ASIC2: variants seen among roughly 807,000 people sequenced by gnomAD.
ASIC2 encodes the protein acid-sensing ion channel 2.
Under a neutral mutation model 57.3 loss-of-function variants are expected in ASIC2, and 25 were observed. That is an observed-to-expected ratio of 0.44 (90% CI 0.32 to 0.61). The LOEUF (loss-of-function observed/expected upper bound fraction) is 0.61. ASIC2 is among the 20% of genes least tolerant of loss of function. The pLI is 0.06. For synonymous variants in ASIC2, 319 were observed against 307.5 expected, an observed-to-expected ratio of 1.04 and a Z score of -0.39; for missense variants, 641 against 738.1, an observed-to-expected ratio of 0.87 and a Z score of 1.52.
At chr17:33,461,855 G>A (rs151071493) in intron 1 of ASIC2, among the ~76,000 whole-genome samples, 1 of 152,230 alleles carries the variant, frequency 6.6e-6, no homozygotes, top group East Asian at 1.9e-4. Flanking sequence ...AAACCTTGAG[G>A]CTGTACCAGG....
chr17:33,483,480 G>A (rs1000146889), intron 1 of ASIC2, among the ~76,000 whole-genome samples: 6 of 152,230 alleles, frequency 3.9e-5, no homozygotes, highest in Non-Finnish European at 7.3e-5. Context: ...TGCCTCACTC[G>A]GCGGGGCTCT....
In ASIC2 at chr17:33,268,069, G is replaced by A. The variant is rs1597658509; in HGVS notation, c.708+23339C>T. ...AGGACTTTGACTTTTGAAGGCAGTT[G>A]GTCCTGTGCATGATAAATGCCTGGT... On this transcript the variant is annotated intron_variant, in intron 1 of 9. Coordinates refer to ENST00000225823, the MANE Select transcript of ASIC2 (RefSeq NM_183377.2). Among the ~76,000 whole-genome samples, 7 of 152,122 alleles carry A rather than the reference G, an allele frequency of 4.6e-5. No individual in the cohort carries two copies. In the South Asian group the frequency reaches 1.2e-3, roughly 27 times the overall value.
chr17:33,998,559 A>G lies in ASIC2; in HGVS notation c.555+157419T>C, dbSNP rs1303579516. 3.3e-5 allele frequency among the ~76,000 whole-genome samples: 5 copies of G among 151,996 alleles called. No homozygotes were observed. The East Asian group carries it at 9.7e-4, about 29-fold the overall frequency. On this transcript the variant is annotated intron_variant, in intron 1 of 9. Coordinates refer to the ASIC2 transcript ENST00000359872. ...TTTTCTGTATCCCATAAGTTTTGGT[A>G]TGTTGTGTTTTCATTTTCATTTTTC...
chr17:33,730,800 G>A (rs1909716812), intron 1 of ASIC2, among the ~76,000 whole-genome samples: 1 of 152,166 alleles, frequency 6.6e-6, no homozygotes, highest in Admixed American at 6.5e-5. Flanking sequence ...TGTCTATGTG[G>A]TTACTGTTGA....
intron 1 of ASIC2, among the ~76,000 whole-genome samples, chr17:33,513,672 C>G (rs777544751): frequency 6.6e-6 from 1 of 152,338 alleles, no homozygotes; most frequent in African/African-American, 2.4e-5. Context: ...AGTTGGGGAA[C>G]AAAACCCCAT....
intron 1 of ASIC2, among the ~76,000 whole-genome samples, chr17:33,256,702 C>A (rs1044785886): frequency 1.3e-5 from 2 of 152,102 alleles, no homozygotes; most frequent in African/African-American, 2.4e-5. Flanking sequence ...CGTGGTGGCA[C>A]GTGCCTGTAA....
chr17:33,853,995 C>T (rs1913846004), intron 1 of ASIC2, among the ~76,000 whole-genome samples: 1 of 152,110 alleles, frequency 6.6e-6, no homozygotes, highest in African/African-American at 2.4e-5. Context: ...ATACATTTGC[C>T]CATCGAAGTT....
At chr17:33,615,037 T>C (rs1905552397) in intron 1 of ASIC2, among the ~76,000 whole-genome samples, 1 of 152,268 alleles carries the variant, frequency 6.6e-6, no homozygotes, top group African/African-American at 2.4e-5. Context: ...GTTCTTACTT[T>C]TTTATTATTA....
At chr17:33,538,569 C>A (rs1415089234) in intron 1 of ASIC2, among the ~76,000 whole-genome samples, 7 of 152,222 alleles carry the variant, frequency 4.6e-5, no homozygotes, top group Non-Finnish European at 2.9e-5. Context: ...AAACCCAGTT[C>A]CTCTGACTCA....
intron 1 of ASIC2, among the ~76,000 whole-genome samples, chr17:34,020,173 A>G (rs1369144325): frequency 1.3e-5 from 2 of 152,180 alleles, no homozygotes; most frequent in East Asian, 3.8e-4. Flanking sequence ...TTGCATGACC[A>G]AAGTCATTAT....
chr17:33,905,930 A>T (rs1029299321), intron 1 of ASIC2, among the ~76,000 whole-genome samples: 1 of 151,454 alleles, frequency 6.6e-6, no homozygotes, highest in African/African-American at 2.4e-5. Flanking sequence ...TGATCCTCCT[A>T]CCTCAGCCTT....
intron 1 of ASIC2, chr17:34,037,694 A>G: frequency 6.2e-7 from 1 of 1,614,080 alleles, no homozygotes; most frequent in Admixed American, 1.7e-5. Flanking sequence ...ACTCGTAGAG[A>G]CTGACTTTTG....
At chr17:33,181,577 GA>G (rs1409510378) in intron 1 of ASIC2, among the ~76,000 whole-genome samples, 1 of 152,122 alleles carries the variant, frequency 6.6e-6, no homozygotes, top group African/African-American at 2.4e-5. Context: ...GTGGCAGTGT[GA>G]CTCTGATCTT....
chr17:33,100,001 A>G (rs1426313289), intron 2 of ASIC2: 1 of 152,234 alleles, frequency 6.6e-6, no homozygotes, highest in Non-Finnish European at 1.5e-5. Context: ...TTTGATGTTA[A>G]GAAGACATCC....
chr17:33,328,142 T>G (rs1567824322), intron 1 of ASIC2, among the ~76,000 whole-genome samples: 1 of 72,178 alleles, frequency 1.4e-5, no homozygotes. Context: ...CAACATTTTG[T>G]TACAGCAGCT....
chr17:33,341,516 G>A (rs1907721044), intron 1 of ASIC2, among the ~76,000 whole-genome samples: 1 of 152,202 alleles, frequency 6.6e-6, no homozygotes, highest in South Asian at 2.1e-4. Flanking sequence ...TACAATGCTA[G>A]AGTTGAGTGG....
At chr17:33,139,955 C>T (rs773715857) in intron 1 of ASIC2, among the ~76,000 whole-genome samples, 4 of 152,180 alleles carry the variant, frequency 2.6e-5, no homozygotes, top group Non-Finnish European at 4.4e-5. Context: ...ATCTACCTGC[C>T]GGGGTTGTAC....
intron 1 of ASIC2, among the ~76,000 whole-genome samples, chr17:33,591,341 C>T (rs111520140): frequency 2.6e-5 from 4 of 152,288 alleles, no homozygotes; most frequent in African/African-American, 9.6e-5. Context: ...GGTCCAGTTT[C>T]CCCTTAGGCT....
At chr17:33,748,431 C>G (rs1398788844) in intron 1 of ASIC2, among the ~76,000 whole-genome samples, 5 of 152,210 alleles carry the variant, frequency 3.3e-5, no homozygotes, top group Non-Finnish European at 7.4e-5. Flanking sequence ...CAAGAGGAGA[C>G]ACAGTACAGT....
Sources: allele counts gnomAD v4.1 joint callset (sites outside exome capture counted in the v4.1 genomes callset), GRCh38; gene constraint gnomAD v4.1.1; transcripts MANE v1.5; gene names NCBI Gene and HGNC (gene_info 2026-07-23, HGNC 2026-07-21).